The following IL1RAP variants were observed in gnomAD, a reference collection of about 807,000 sequenced individuals.
The protein encoded by IL1RAP is interleukin 1 receptor accessory protein, also known as interleukin-1 receptor accessory protein.
Under a neutral mutation model 60.7 loss-of-function variants are expected in IL1RAP, and 35 were observed. The observed-to-expected ratio is 0.58, with a 90% CI of 0.44 to 0.76. The LOEUF (loss-of-function observed/expected upper bound fraction) is 0.76, where lower values mean the gene tolerates loss of function less well. Among genes scored for constraint, IL1RAP ranks in the 30% least tolerant of loss-of-function variants. The pLI, the probability that IL1RAP is intolerant of heterozygous loss-of-function variation, is 0.00. For synonymous variants in IL1RAP, 268 were observed against 250.9 expected, an observed-to-expected ratio of 1.07 and a Z score of -0.64; for missense variants, 572 against 693.9, an observed-to-expected ratio of 0.82 and a Z score of 1.97.
At chr3:190,588,786 T>G (rs1312901404) in intron 3 of IL1RAP, among the ~76,000 whole-genome samples, 1 of 152,196 alleles carries the variant, frequency 6.6e-6, no homozygotes, top group Non-Finnish European at 1.5e-5. Context: ...CCAATAAACG[T>G]ATGAGGCAAA....
chr3:190,527,939 T>A (rs1722657603), intron 1 of IL1RAP, among the ~76,000 whole-genome samples: 2 of 151,924 alleles, frequency 1.3e-5, no homozygotes, highest in Non-Finnish European at 2.9e-5. Flanking sequence ...AGAAAATAAA[T>A]GCATTTCCTT....
chr3:190,583,253 T>C (rs771015950), intron 3 of IL1RAP, among the ~76,000 whole-genome samples: 35 of 152,240 alleles, frequency 2.3e-4, no homozygotes, highest in Non-Finnish European at 3.8e-4. Context: ...CTGTATGTTT[T>C]ATGTGTAGCA....
chr3:190,545,004 A>G (rs1724246240), intron 1 of IL1RAP, among the ~76,000 whole-genome samples: 1 of 152,218 alleles, frequency 6.6e-6, no homozygotes, highest in Admixed American at 6.5e-5. Context: ...AAATATCAGG[A>G]GACTCGAATT....
chr3:190,589,056 CTGTAT>C (rs1300162770), intron 3 of IL1RAP, among the ~76,000 whole-genome samples: 4 of 152,162 alleles, frequency 2.6e-5, no homozygotes, highest in Admixed American at 6.5e-5. Context: ...AGAGCCTGAT[CTGTAT>C]AATGTGTCAT....
chr3:190,527,658 A>G (rs527930130), intron 1 of IL1RAP, among the ~76,000 whole-genome samples: 64 of 148,054 alleles, frequency 4.3e-4, no homozygotes, highest in African/African-American at 1.6e-3. Context: ...GCTTCTTTGT[A>G]GGGAACCAAT....
At chr3:190,612,101 A>G (rs924941986) in intron 5 of IL1RAP, among the ~76,000 whole-genome samples, 4 of 152,176 alleles carry the variant, frequency 2.6e-5, no homozygotes. Context: ...ATAAAATTAT[A>G]TGATGTCTGT....
chr3:190,641,940 G>A (rs1733689863), intron 9 of IL1RAP, among the ~76,000 whole-genome samples: 1 of 152,122 alleles, frequency 6.6e-6, no homozygotes, highest in South Asian at 2.1e-4. Flanking sequence ...GAGTTTTCTT[G>A]TTTTAAGGTG....
chr3:190,605,164 G>A (rs548923936), intron 4 of IL1RAP, among the ~76,000 whole-genome samples: 1 of 152,186 alleles, frequency 6.6e-6, no homozygotes, highest in African/African-American at 2.4e-5. Context: ...CCCCTAAGAA[G>A]CAAGAGAATA....
At chr3:190,598,598 C>A (rs1331095552) in intron 3 of IL1RAP, among the ~76,000 whole-genome samples, 1 of 151,788 alleles carries the variant, frequency 6.6e-6, no homozygotes, top group Non-Finnish European at 1.5e-5. Flanking sequence ...TAAAAAAAAT[C>A]AAAATAATTA....
chr3:190,570,928 C>T (rs536769713), intron 3 of IL1RAP, among the ~76,000 whole-genome samples: 5 of 152,206 alleles, frequency 3.3e-5, no homozygotes, highest in South Asian at 2.1e-4. Flanking sequence ...CTGGTGTTTG[C>T]GTTTCCCCCT....
At chr3:190,554,081 A>G (rs1279100895) in intron 1 of IL1RAP, among the ~76,000 whole-genome samples, 4 of 148,462 alleles carry the variant, frequency 2.7e-5, no homozygotes, top group African/African-American at 9.9e-5. Flanking sequence ...AAAAAAAAAA[A>G]AAAAAAAGAA....
chr3:190,654,710 C>G (rs1734552929), downstream of IL1RAP, among the ~76,000 whole-genome samples: 1 of 152,242 alleles, frequency 6.6e-6, no homozygotes, highest in Admixed American at 6.5e-5. Flanking sequence ...TGAAAACTCT[C>G]TCCGTTACTG....
chr3:190,599,589 T>C (rs1205461942), intron 3 of IL1RAP, among the ~76,000 whole-genome samples: 1 of 152,060 alleles, frequency 6.6e-6, no homozygotes, highest in Non-Finnish European at 1.5e-5. Context: ...AGTCTATTTC[T>C]ATCCATTATT....
chr3:190,554,730 T>A (rs1465351497), intron 1 of IL1RAP: 1 of 63,884 alleles, frequency 1.6e-5, no homozygotes, highest in Non-Finnish European at 3.8e-5. Context: ...TGTTGTTTAG[T>A]GTGTGTGTGT....
intron 5 of IL1RAP, among the ~76,000 whole-genome samples, chr3:190,618,520 C>T (rs1731477028): frequency 6.6e-6 from 1 of 152,108 alleles, no homozygotes; most frequent in African/African-American, 2.4e-5. Flanking sequence ...TTTTTTCCGT[C>T]TATAAAATTA....
chr3:190,658,388 T>A (rs1734683251), exon 12 of IL1RAP: 1 of 152,216 alleles, frequency 6.6e-6, no homozygotes, highest in African/African-American at 2.4e-5. Flanking sequence ...AAGGACATAG[T>A]GGAGCATGTT....
chr3:190,551,441 T>C (rs1724854699), intron 1 of IL1RAP, among the ~76,000 whole-genome samples: 1 of 152,170 alleles, frequency 6.6e-6, no homozygotes, highest in South Asian at 2.1e-4. Context: ...GAAACAAACA[T>C]GCTTCAAATT....
chr3:190,534,094 A>G (rs1230581668), intron 1 of IL1RAP, among the ~76,000 whole-genome samples: 1 of 151,728 alleles, frequency 6.6e-6, no homozygotes, highest in Non-Finnish European at 1.5e-5. Flanking sequence ...GAGTGTTGCA[A>G]TGCTAGGAAG....
chr3:190,618,442 C>T (rs1015368979), intron 5 of IL1RAP, among the ~76,000 whole-genome samples: 3 of 152,040 alleles, frequency 2.0e-5, no homozygotes, highest in African/African-American at 4.8e-5. Flanking sequence ...GATGAAAGAC[C>T]GTTATTCGGC....
Sources: allele counts gnomAD v4.1 joint callset (sites outside exome capture counted in the v4.1 genomes callset), GRCh38; gene constraint gnomAD v4.1.1; transcripts MANE v1.5; gene names NCBI Gene and HGNC (gene_info 2026-07-23, HGNC 2026-07-21).